The following UNC79 variants were observed in gnomAD, a reference collection of about 807,000 sequenced individuals.
The protein encoded by UNC79 is protein unc-79 homolog.
In UNC79, 37 loss-of-function variants were observed where a neutral mutation model predicts 283.1. That is an observed-to-expected ratio of 0.13 (90% CI 0.10 to 0.17). The LOEUF (loss-of-function observed/expected upper bound fraction) is 0.17. Among genes scored for constraint, UNC79 ranks in the 10% least tolerant of loss-of-function variants. The probability of loss-of-function intolerance (pLI) is 1.00; values close to 1 mark genes in which losing one functional copy is unlikely to be tolerated. For synonymous variants in UNC79, 1,107 were observed against 1,200.2 expected, an observed-to-expected ratio of 0.92 and a Z score of 1.61; for missense variants, 2,272 against 3,211.1, an observed-to-expected ratio of 0.71 and a Z score of 7.07.
chr14:93,631,154 G>A (rs1198805553), intron 31 of UNC79, among the ~76,000 whole-genome samples: 1 of 151,994 alleles, frequency 6.6e-6, no homozygotes, highest in Non-Finnish European at 1.5e-5. Context: ...AATTTGTTAA[G>A]GAATGATCAC....
intron 26 of UNC79, chr14:93,604,923 C>T: frequency 1.9e-6 from 3 of 1,586,776 alleles, no homozygotes; most frequent in Non-Finnish European, 2.6e-6. Context: ...CATGAGCAGT[C>T]TGCTCCAGCT....
chr14:93,495,670 G>A (rs893577614), intron 5 of UNC79, among the ~76,000 whole-genome samples: 5 of 152,222 alleles, frequency 3.3e-5, no homozygotes, highest in Admixed American at 2.0e-4. Context: ...AGTCAAGTAA[G>A]ATGAGGACTG....
chr14:93,706,099 G>A (rs948676923), intron 48 of UNC79, among the ~76,000 whole-genome samples: 7 of 152,128 alleles, frequency 4.6e-5, no homozygotes, highest in Admixed American at 1.3e-4. Flanking sequence ...AATCTGTGGC[G>A]ATTGCCCAGA....
At chr14:93,577,977 G>A (rs2063566931) in exon 18 of UNC79, 4 of 1,614,100 alleles carry the variant, frequency 2.5e-6, no homozygotes, top group African/African-American at 1.3e-5. Context: ...TGGACACCCA[G>A]GAGGAAGGAC....
intron 14 of UNC79, among the ~76,000 whole-genome samples, chr14:93,567,961 A>T (rs924280420): frequency 6.6e-6 from 1 of 152,228 alleles, no homozygotes; most frequent in Non-Finnish European, 1.5e-5. Flanking sequence ...CTTCCAGATC[A>T]CAGGTAGGTG....
intron 1 of UNC79, among the ~76,000 whole-genome samples, chr14:93,397,438 A>C (rs8013511): frequency 6.6e-6 from 1 of 152,338 alleles, no homozygotes; most frequent in South Asian, 2.1e-4. Flanking sequence ...AGAAACCCCA[A>C]CTTGATCCTG....
At chr14:93,572,124 A>G (rs573112761) in intron 15 of UNC79, 40 bp downstream of exon 15, 18 of 1,597,880 alleles carry the variant, frequency 1.1e-5, no homozygotes, top group Non-Finnish European at 1.4e-5. Flanking sequence ...AATTATAATC[A>G]TATCTAACGT....
At chr14:93,394,404 T>C (rs2140013899) in intron 1 of UNC79, among the ~76,000 whole-genome samples, 1 of 149,684 alleles carries the variant, frequency 6.7e-6, no homozygotes, top group East Asian at 2.0e-4. Flanking sequence ...TTATTTTATT[T>C]TATTTTATCT....
chr14:93,371,531 C>T (rs1245318981), intron 1 of UNC79, among the ~76,000 whole-genome samples: 2 of 152,212 alleles, frequency 1.3e-5, no homozygotes, highest in East Asian at 3.9e-4. Context: ...AAACTTCTTA[C>T]CTGTAGAAGA....
At chr14:93,668,617 G>A in intron 40 of UNC79, among the ~76,000 whole-genome samples, 1 of 152,122 alleles carries the variant, frequency 6.6e-6, no homozygotes, top group African/African-American at 2.4e-5. Context: ...GGTGAAGGTG[G>A]GTGGATTGTC....
chr14:93,663,773 T>G (rs1006986217), intron 40 of UNC79, among the ~76,000 whole-genome samples: 25 of 152,192 alleles, frequency 1.6e-4, no homozygotes, highest in Non-Finnish European at 2.6e-4. Context: ...TCTTTTTCAC[T>G]TAAAAATGTA....
intron 27 of UNC79, among the ~76,000 whole-genome samples, chr14:93,614,176 T>C (rs1392334779): frequency 6.6e-6 from 1 of 152,128 alleles, no homozygotes; most frequent in Non-Finnish European, 1.5e-5. Flanking sequence ...CATTGAGTAA[T>C]TTTATGTTAT....
intron 20 of UNC79, 135 bp downstream of exon 20, chr14:93,582,479 A>G: frequency 7.9e-7 from 1 of 1,264,374 alleles, no homozygotes; most frequent in South Asian, 1.7e-5. Flanking sequence ...GCAGAGGAAC[A>G]TCTCCCAGCG....
At chr14:93,699,830 G>A (rs2075399156) in intron 47 of UNC79, among the ~76,000 whole-genome samples, 1 of 152,050 alleles carries the variant, frequency 6.6e-6, no homozygotes, top group African/African-American at 2.4e-5. Flanking sequence ...TTTATGTTCA[G>A]TTATATTTGC....
chr14:93,621,806 C>A lies in UNC79; in HGVS notation c.4573C>A (p.Arg1525=). ...ACATCGTAGGAAGTCGTGCATAGAT[C>A]GGTGTGACATAGAGAAGCCTCCGAC... The change falls in exon 30 of 49, where the codon CGG becomes AGG. Residue 1525 remains arginine, a synonymous_variant. Transcript: ENST00000555664. The surrounding 1 kb of genome is among the most constrained non-coding windows in gnomAD (Gnocchi z 4.8). 1 of 1,604,328 alleles carries A rather than the reference C, an allele frequency of 6.2e-7. No individual in the cohort carries two copies. Among genetic ancestry groups the A allele is most frequent in the Non-Finnish European group, 8.5e-7 (1 of 1,175,382 alleles).
intron 10 of UNC79, among the ~76,000 whole-genome samples, chr14:93,532,284 T>C (rs2060856724): frequency 1.6e-5 from 2 of 126,230 alleles, no homozygotes; most frequent in South Asian, 5.0e-4. Flanking sequence ...CTGAGAAACA[T>C]AGTAAGACCC....
At chr14:93,555,528 C>A (rs750341606) in intron 14 of UNC79, among the ~76,000 whole-genome samples, 1 of 152,078 alleles carries the variant, frequency 6.6e-6, no homozygotes, top group Non-Finnish European at 1.5e-5. Context: ...CTCAGCCTCC[C>A]AAGTAGCTGG....
chr14:93,658,353 G>A (rs2071177492), intron 38 of UNC79, among the ~76,000 whole-genome samples: 1 of 152,270 alleles, frequency 6.6e-6, no homozygotes, highest in Non-Finnish European at 1.5e-5. Context: ...GCAGGGGTAG[G>A]GCTTGAGGAT....
At chr14:93,577,805 T>C in intron 17 of UNC79, 37 bp from the exon 18 acceptor site, 1 of 1,595,788 alleles carries the variant, frequency 6.3e-7, no homozygotes, top group South Asian at 1.1e-5. Context: ...TGAGCTTCTG[T>C]GAGTTCATTT....
Sources: gnomAD v4.1 joint callset for allele counts (sites outside exome capture counted in the v4.1 genomes callset) on GRCh38, gnomAD v4.1.1 for gene constraint, Gnocchi (gnomAD v3.1) non-coding constraint, MANE v1.5 for transcripts, NCBI Gene and HGNC (gene_info 2026-07-23, HGNC 2026-07-21) for gene names.